The following MED12L variants were observed in gnomAD, a reference collection of about 807,000 sequenced individuals.
MED12L encodes the protein mediator complex subunit 12L, also known as mediator of RNA polymerase II transcription subunit 12-like protein.
MED12L carries 60 observed loss-of-function variants against 281.3 expected under a neutral mutation model. That is an observed-to-expected ratio of 0.21 (90% confidence interval 0.17 to 0.26). The LOEUF is 0.26. Among genes scored for constraint, MED12L ranks in the 10% least tolerant of loss-of-function variants. The pLI is 1.00. For missense variants in MED12L, 2,146 were observed against 2,680.9 expected (o/e 0.80, Z 4.41); for synonymous variants, 974 against 987.2 (o/e 0.99, Z 0.25).
intron 16 of MED12L, among the ~76,000 whole-genome samples, chr3:151,245,627 A>G (rs1355878405): frequency 1.3e-5 from 2 of 149,182 alleles, no homozygotes; most frequent in Non-Finnish European, 1.5e-5. Flanking sequence ...TTTCAAAATA[A>G]TAAGAGCTAT....
At position 151,238,484 on chromosome 3, in the gene MED12L, C is replaced by T. The variant is rs144059389; in HGVS notation, c.2250+44818C>T. ...TTTTAAAATGTGGTCTGCAGAACCACAGGGGTTCCTGACACCCTTTCAGAG... is the reference window on the plus strand; with the variant it reads ...TTTTAAAATGTGGTCTGCAGAACCATAGGGGTTCCTGACACCCTTTCAGAG... On this transcript the variant is annotated intron_variant, in intron 16 of 44. Coordinates refer to ENST00000687756, the MANE Select transcript of MED12L (RefSeq NM_001393769.1). 2.0e-3 allele frequency among the ~76,000 whole-genome samples: 305 copies of T among 152,346 alleles called. 2 individuals are homozygous for T. Among genetic ancestry groups the T allele is most frequent in the Non-Finnish European group, 3.7e-3 (254 of 68,030 alleles).
At chr3:151,177,197 A>G (rs1722151591) in intron 11 of MED12L, among the ~76,000 whole-genome samples, 1 of 152,206 alleles carries the variant, frequency 6.6e-6, no homozygotes, top group Non-Finnish European at 1.5e-5. Context: ...AGAGGGTGGC[A>G]ATGGCTGGCC....
chr3:151,386,286 G>A (rs994590201), intron 36 of MED12L, among the ~76,000 whole-genome samples: 3 of 152,232 alleles, frequency 2.0e-5, no homozygotes, highest in Non-Finnish European at 4.4e-5. Flanking sequence ...CCATTTGGAT[G>A]TGTGGTTTTT....
At chr3:151,234,774 G>C (rs1732388654) in intron 16 of MED12L, among the ~76,000 whole-genome samples, 1 of 152,128 alleles carries the variant, frequency 6.6e-6, no homozygotes, top group Admixed American at 6.5e-5. Flanking sequence ...GGAGAAGCCT[G>C]GCATAAGTGA....
chr3:151,296,561 A>G (rs1401830689), intron 16 of MED12L, among the ~76,000 whole-genome samples: 2 of 150,934 alleles, frequency 1.3e-5, no homozygotes, highest in Admixed American at 6.6e-5. Context: ...ACTTTCTTCA[A>G]ACTGCACTGT....
At chr3:151,405,760 A>G (rs1236626767) in intron 39 of MED12L, among the ~76,000 whole-genome samples, 1 of 152,200 alleles carries the variant, frequency 6.6e-6, no homozygotes, top group Non-Finnish European at 1.5e-5. Context: ...AATAGGGAGA[A>G]ATTAAGTTAC....
rs1372149867 is a variant in MED12L, at chr3:151,377,026, G to A, written c.4164G>A (p.Leu1388=). The change falls in exon 30 of 45, where the codon CTG becomes CTA. Residue 1388 remains leucine, a synonymous_variant. Coordinates refer to ENST00000687756, the MANE Select transcript of MED12L (RefSeq NM_001393769.1). ...CTGTGGCCGAAATGAACAACTTACT[G>A]GACAATATTGCAAAGGCAACAATAG... ...SGSVAEMNNL[L]DNIAKATIEV... The A allele has an allele frequency of 1.9e-6, 3 of 1,613,984 alleles. No homozygotes were observed. The highest frequency in any genetic ancestry group is 1.1e-5 in the South Asian group (1 of 91,052).
intron 16 of MED12L, among the ~76,000 whole-genome samples, chr3:151,243,450 G>T (rs1046036347): frequency 3.9e-5 from 6 of 151,934 alleles, no homozygotes; most frequent in African/African-American, 1.5e-4. Flanking sequence ...GAAGAGAGTG[G>T]GGGCCAATAT....
intron 16 of MED12L, chr3:151,212,764 T>C (rs1727388475): frequency 6.6e-6 from 1 of 152,076 alleles, no homozygotes; most frequent in South Asian, 2.1e-4. Context: ...GTTTCTTAAG[T>C]GATTGTCTGG....
intron 16 of MED12L, among the ~76,000 whole-genome samples, chr3:151,331,282 G>T (rs957385870): frequency 3.9e-5 from 6 of 152,148 alleles, no homozygotes; most frequent in African/African-American, 1.4e-4. Flanking sequence ...TGCCTGCTGG[G>T]GAGGCCTTTT....
rs532373156 is a variant in MED12L at position 151,189,551 on chromosome 3, C to T, written c.1753+1071C>T. ...CTCTCTTTAGGAAAAACTCCTTACT[C>T]CTGTGTCTTTGCTAGTTCATCTCAT... On this transcript the variant is annotated intron_variant, in intron 13 of 44. Transcript: ENST00000687756. Among the ~76,000 whole-genome samples, 17 of 152,280 alleles carry T rather than the reference C, an allele frequency of 1.1e-4. No individual in the cohort carries two copies. The East Asian group carries it at 2.9e-3, about 26-fold the overall frequency.
At chr3:151,185,495 C>T (rs1285232651) in intron 12 of MED12L, 34 bp downstream of exon 12, 10 of 1,610,186 alleles carry the variant, frequency 6.2e-6, no homozygotes, top group East Asian at 4.5e-5. Context: ...TGTTGAATGC[C>T]GTAATGTAAA....
chr3:151,329,507 GTCT>G (rs1454876926), intron 16 of MED12L: 4 of 1,547,984 alleles, frequency 2.6e-6, no homozygotes, highest in Non-Finnish European at 3.5e-6. Flanking sequence ...AGTTCTCTCT[GTCT>G]TCTTATGGCG....
intron 16 of MED12L, among the ~76,000 whole-genome samples, chr3:151,204,034 C>G (rs1273010117): frequency 1.3e-5 from 2 of 152,166 alleles, no homozygotes; most frequent in African/African-American, 2.4e-5. Context: ...TGTGGCAGAA[C>G]TAACTGAATG....
intron 37 of MED12L, among the ~76,000 whole-genome samples, 175 bp from the exon 38 acceptor site, chr3:151,389,804 A>G (rs577134197): frequency 6.6e-5 from 10 of 152,308 alleles, no homozygotes; most frequent in Admixed American, 4.6e-4. Context: ...AGTTTACCTC[A>G]AATGAATATT....
intron 16 of MED12L, among the ~76,000 whole-genome samples, chr3:151,226,025 C>A (rs1165469710): frequency 6.6e-6 from 1 of 152,162 alleles, no homozygotes; most frequent in African/African-American, 2.4e-5. Flanking sequence ...TCAGAACATG[C>A]TGCCATGCCC....
chr3:151,190,975 T>G, intron 14 of MED12L, 44 bp downstream of exon 14: 1 of 1,548,758 alleles, frequency 6.5e-7, no homozygotes, highest in Non-Finnish European at 8.9e-7. Flanking sequence ...GAAACTAAAC[T>G]CTACTGGGAA....
rs1755971369 is a variant in MED12L, at chr3:151,369,872, TGA to T, written c.3664+328_3664+329del. Reference sequence around the variant, plus strand: ...CTCTGGTGGCAGAAATCACACTTTGTGAGAGACAGGGATGACTTGGTAATCTA... The same window carrying T: ...CTCTGGTGGCAGAAATCACACTTTGTGAGACAGGGATGACTTGGTAATCTA... On this transcript the variant is annotated intron_variant, in intron 26 of 44. Coordinates refer to ENST00000687756, the MANE Select transcript of MED12L (RefSeq NM_001393769.1). Among the ~76,000 whole-genome samples, 5 of 152,286 alleles carry T rather than the reference TGA, an allele frequency of 3.3e-5. No homozygotes were observed. In the South Asian group the frequency reaches 1.0e-3, roughly 32 times the overall value.
intron 2 of MED12L, among the ~76,000 whole-genome samples, chr3:151,104,045 A>G (rs1721711963): frequency 6.6e-6 from 1 of 152,162 alleles, no homozygotes; most frequent in South Asian, 2.1e-4. Flanking sequence ...TACGGATGTT[A>G]AGATAGTATT....
Sources: allele counts gnomAD v4.1 joint callset (sites outside exome capture counted in the v4.1 genomes callset), GRCh38; gene constraint gnomAD v4.1.1; transcripts MANE v1.5; gene names NCBI Gene and HGNC (gene_info 2026-07-23, HGNC 2026-07-21).